ADAMTS20: variants seen among roughly 807,000 people sequenced by gnomAD.
ADAMTS20 encodes the protein ADAM metallopeptidase with thrombospondin type 1 motif 20, also known as A disintegrin and metalloproteinase with thrombospondin motifs 20.
A neutral mutation model predicts 260.1 loss-of-function variants in ADAMTS20; 225 were observed. The observed-to-expected ratio is 0.87, with a 90% CI of 0.78 to 0.97. The LOEUF (loss-of-function observed/expected upper bound fraction) is 0.97, where lower values mean the gene tolerates loss of function less well. Ranked by LOEUF, ADAMTS20 falls within the 50% of genes least tolerant of loss-of-function variation. ADAMTS20 has a pLI of 0.00. For missense variants in ADAMTS20, 2,400 were observed against 2,337.7 expected, an observed-to-expected ratio of 1.03 and a Z score of -0.55; for synonymous variants, 802 against 769.5, an observed-to-expected ratio of 1.04 and a Z score of -0.70.
intron 3 of ADAMTS20, among the ~76,000 whole-genome samples, chr12:43,523,195 A>T (rs1248461041): frequency 2.0e-5 from 3 of 152,206 alleles, no homozygotes; most frequent in Non-Finnish European, 4.4e-5. Flanking sequence ...AATCCAGGTC[A>T]CAGGGCAAGG....
chr12:43,420,797 C>CTTTTTTTTTT (rs1415962939), intron 28 of ADAMTS20, among the ~76,000 whole-genome samples: 1 of 77,436 alleles, frequency 1.3e-5, no homozygotes, highest in Non-Finnish European at 2.4e-5. Context: ...CCTCCTCCTC[C>CTTTTTTTTTT]TTCTTTTTTT....
chr12:43,435,897 T>C (rs1941546064), intron 18 of ADAMTS20, among the ~76,000 whole-genome samples: 1 of 152,106 alleles, frequency 6.6e-6, no homozygotes, highest in Non-Finnish European at 1.5e-5. Flanking sequence ...CTTTATGCTT[T>C]CTGCAATGAG....
At chr12:43,428,182 T>C (rs1941368019) in intron 26 of ADAMTS20, 59 bp downstream of exon 26, 1 of 1,535,888 alleles carries the variant, frequency 6.5e-7, no homozygotes, top group African/African-American at 1.4e-5. Flanking sequence ...ACATACCTGT[T>C]AAAAGGATGT....
chr12:43,414,410 A>T (rs773454948), intron 28 of ADAMTS20, among the ~76,000 whole-genome samples: 1 of 152,304 alleles, frequency 6.6e-6, no homozygotes, highest in African/African-American at 2.4e-5. Context: ...TTGGATGACC[A>T]TAAAAGACTG....
intron 7 of ADAMTS20, among the ~76,000 whole-genome samples, chr12:43,478,530 T>C (rs1055419459): frequency 6.6e-6 from 1 of 152,076 alleles, no homozygotes; most frequent in Non-Finnish European, 1.5e-5. Flanking sequence ...ATAGGACTCA[T>C]GACATAGCCC....
At chr12:43,520,209 C>T (rs1457699060) in intron 3 of ADAMTS20, among the ~76,000 whole-genome samples, 2 of 152,074 alleles carry the variant, frequency 1.3e-5, no homozygotes, top group East Asian at 3.9e-4. Context: ...ATCACTGGTA[C>T]ATCCAAGAAA....
chr12:43,459,128 G>C (rs1327273649), intron 11 of ADAMTS20, among the ~76,000 whole-genome samples: 1 of 152,126 alleles, frequency 6.6e-6, no homozygotes, highest in Non-Finnish European at 1.5e-5. Context: ...CACTCTTCTG[G>C]TCCATGTTTG....
At chr12:43,462,533 G>GA (rs1328032698) in intron 11 of ADAMTS20, among the ~76,000 whole-genome samples, 1 of 152,164 alleles carries the variant, frequency 6.6e-6, no homozygotes, top group Non-Finnish European at 1.5e-5. Context: ...TTTTAAGGGA[G>GA]AAAACGTATG....
intron 4 of ADAMTS20, 50 bp downstream of exon 4, chr12:43,502,102 A>G (rs771467549): frequency 1.4e-6 from 2 of 1,464,960 alleles, no homozygotes; most frequent in South Asian, 2.8e-5. Flanking sequence ...AAAAAATTTC[A>G]TTAAGCTAAA....
At chr12:43,489,086 A>C (rs1483000655) in intron 7 of ADAMTS20, among the ~76,000 whole-genome samples, 2 of 151,980 alleles carry the variant, frequency 1.3e-5, no homozygotes, top group Non-Finnish European at 2.9e-5. Flanking sequence ...TAAAGGAATA[A>C]AACTAAATGT....
At chr12:43,513,005 C>T (rs1942946378) in intron 3 of ADAMTS20, among the ~76,000 whole-genome samples, 1 of 152,114 alleles carries the variant, frequency 6.6e-6, no homozygotes, top group Admixed American at 6.6e-5. Flanking sequence ...CAAAAATATG[C>T]ATTACAGAGG....
intron 3 of ADAMTS20, among the ~76,000 whole-genome samples, chr12:43,505,624 A>G (rs1431575373): frequency 1.3e-5 from 2 of 152,204 alleles, no homozygotes; most frequent in Non-Finnish European, 2.9e-5. Context: ...AACACACACA[A>G]AACAGAGAGA....
chr12:43,424,696 A>G (rs1941296800), intron 28 of ADAMTS20, among the ~76,000 whole-genome samples: 1 of 152,100 alleles, frequency 6.6e-6, no homozygotes. Context: ...TACAAGCACA[A>G]CGTCAACATT....
chr12:43,501,703 T>C (rs962238176), intron 4 of ADAMTS20, among the ~76,000 whole-genome samples: 2 of 152,096 alleles, frequency 1.3e-5, no homozygotes, highest in African/African-American at 2.4e-5. Context: ...TTTAACGCCA[T>C]AAATACATGT....
At chr12:43,481,545 A>G (rs911210386) in intron 7 of ADAMTS20, among the ~76,000 whole-genome samples, 1 of 152,214 alleles carries the variant, frequency 6.6e-6, no homozygotes, top group African/African-American at 2.4e-5. Flanking sequence ...GCCATAATTC[A>G]CAAATATAAT....
At chr12:43,431,956 G>A (rs1241241250) in intron 21 of ADAMTS20, among the ~76,000 whole-genome samples, 1 of 150,718 alleles carries the variant, frequency 6.6e-6, no homozygotes, top group African/African-American at 2.4e-5. Flanking sequence ...TCTGCTCATT[G>A]ATACTCCACG....
At chr12:43,438,913 C>T (rs995792398) in intron 18 of ADAMTS20, among the ~76,000 whole-genome samples, 1 of 152,176 alleles carries the variant, frequency 6.6e-6, no homozygotes, top group Non-Finnish European at 1.5e-5. Context: ...TTTATTAATA[C>T]ATTAACATAT....
At chr12:43,354,409 G>T in intron 38 of ADAMTS20, 111 bp from the exon 39 acceptor site, 1 of 726,594 alleles carries the variant, frequency 1.4e-6, no homozygotes. Context: ...ATTAGCAGAG[G>T]TTTCCTATAA....
At chr12:43,539,364 G>A (rs1943342856) in intron 2 of ADAMTS20, among the ~76,000 whole-genome samples, 1 of 152,160 alleles carries the variant, frequency 6.6e-6, no homozygotes, top group Non-Finnish European at 1.5e-5. Flanking sequence ...TATATAGTGT[G>A]CTAATGTGTT....
Sources: allele counts gnomAD v4.1 joint callset (sites outside exome capture counted in the v4.1 genomes callset), GRCh38; gene constraint gnomAD v4.1.1; transcripts MANE v1.5; gene names NCBI Gene and HGNC (gene_info 2026-07-23, HGNC 2026-07-21).